TRPM3: variants seen among roughly 807,000 people sequenced by gnomAD.
The protein encoded by TRPM3 is transient receptor potential cation channel subfamily M member 3, also known as long transient receptor potential channel 3.
A neutral mutation model predicts 181.2 loss-of-function variants in TRPM3; 77 were observed. The observed-to-expected ratio is 0.42, with a 90% CI of 0.35 to 0.51. TRPM3 has a LOEUF of 0.51. Ranked by LOEUF, TRPM3 falls within the 20% of genes least tolerant of loss-of-function variation. TRPM3 has a pLI of 0.01. For missense variants in TRPM3, 1,759 were observed against 2,196.7 expected (o/e 0.80, Z 3.98); for synonymous variants, 745 against 796.4 (o/e 0.94, Z 1.09).
At chr9:71,401,401 G>C (rs1379807528) in intron 1 of TRPM3, among the ~76,000 whole-genome samples, 1 of 152,086 alleles carries the variant, frequency 6.6e-6, no homozygotes, top group Non-Finnish European at 1.5e-5. Flanking sequence ...GCAGACTATT[G>C]GAGGAGGGCA....
At chr9:71,196,125 T>C (rs937180498) in intron 1 of TRPM3, among the ~76,000 whole-genome samples, 14 of 151,334 alleles carry the variant, frequency 9.3e-5, no homozygotes, top group African/African-American at 4.9e-5. Context: ...CAAAAGTTAA[T>C]ATTTTATGTA....
chr9:70,753,612 A>G (rs1433914115), intron 8 of TRPM3, among the ~76,000 whole-genome samples: 1 of 152,194 alleles, frequency 6.6e-6, no homozygotes, highest in Non-Finnish European at 1.5e-5. Flanking sequence ...CACAAGGTAA[A>G]GAAAACTATT....
chr9:70,536,688 G>C lies in TRPM3; in HGVS notation c.4425C>G (p.Asp1475Glu). The C allele has an allele frequency of 1.2e-6, 2 of 1,614,150 alleles. No homozygotes were observed. Among genetic ancestry groups the C allele is most frequent in the Non-Finnish European group, 1.7e-6 (2 of 1,180,036 alleles). Reference protein sequence around the residue: ...RPPSRSIDFEDITSMDTRSFS... With the variant: ...RPPSRSIDFEEITSMDTRSFS... The stretch of plus-strand genomic sequence containing the variant: ...AAGATCTAGTGTCCATGGAGGTGAT[G>C]TCCTCAAAATCAATGCTCCGGCTTG... Residue 1475 changes from aspartate (D) to glutamate (E), a missense_variant, in exon 26 of 26, where the codon GAC becomes GAG. Asp to Glu is a conservative substitution (Grantham distance 45, BLOSUM62 2). Around this residue, in one of 8 missense-constraint regions of TRPM3, gnomAD observed 612 missense variants for 590.0 expected, o/e 1.04. Transcript: ENST00000677713.
chr9:71,127,153 G>T (rs1038676856), intron 1 of TRPM3, among the ~76,000 whole-genome samples: 1 of 151,982 alleles, frequency 6.6e-6, no homozygotes, highest in Non-Finnish European at 1.5e-5. Flanking sequence ...TAATCCTCTG[G>T]AATCTCTTGA....
chr9:71,087,318 T>C (rs918087684), intron 1 of TRPM3, among the ~76,000 whole-genome samples: 5 of 152,090 alleles, frequency 3.3e-5, no homozygotes, highest in African/African-American at 7.2e-5. Flanking sequence ...ACTGTGCTTA[T>C]ACAGGAAAGT....
rs1382170440 is a variant in TRPM3 at position 70,778,270 on chromosome 9, G to T, written c.1148+5835C>A. 1.3e-5 allele frequency among the ~76,000 whole-genome samples: 2 copies of T among 152,032 alleles called. 1 individual carries two copies. The highest frequency in any genetic ancestry group is 3.9e-4 in the East Asian group (2 of 5,194). On this transcript the variant is annotated intron_variant, in intron 7 of 25. Coordinates refer to ENST00000677713, the MANE Select transcript of TRPM3 (RefSeq NM_001366145.2). ...TTGATAGGATTCTCGTGAAGAATGC[G>T]CCACGCATTTATTTTACCCTCTGTG...
At chr9:70,778,963 C>G (rs1355228699) in intron 7 of TRPM3, among the ~76,000 whole-genome samples, 1 of 152,088 alleles carries the variant, frequency 6.6e-6, no homozygotes, top group African/African-American at 2.4e-5. Context: ...CAGAGAAACA[C>G]GCTTTTGCCA....
chr9:70,546,245 C>T (rs1221083054), intron 25 of TRPM3, among the ~76,000 whole-genome samples: 2 of 152,142 alleles, frequency 1.3e-5, no homozygotes, highest in Admixed American at 6.5e-5. Flanking sequence ...AAGTATGGTT[C>T]CCAGACAAGC....
At chr9:70,601,438 A>T (rs951484685) in intron 20 of TRPM3, among the ~76,000 whole-genome samples, 3 of 152,120 alleles carry the variant, frequency 2.0e-5, no homozygotes, top group African/African-American at 7.2e-5. Flanking sequence ...CTTGCGTCTG[A>T]GCCCTGGAGG....
At chr9:70,865,271 T>C (rs1229157845) in intron 1 of TRPM3, 2 of 151,976 alleles carry the variant, frequency 1.3e-5, no homozygotes, top group African/African-American at 4.8e-5. Flanking sequence ...ACAAAGGATG[T>C]CTCGGAAAAC....
rs150679150 is a variant in TRPM3, at chr9:71,199,420, A to G, written c.183+247233T>C. Among the ~76,000 whole-genome samples, 762 of 152,210 alleles carry G rather than the reference A, an allele frequency of 5.0e-3. 6 individuals are homozygous for G. Among genetic ancestry groups the G allele is most frequent in the African/African-American group, 0.018 (734 of 41,516 alleles). ...GTTAGGGAGGATTTCCTCTTTTTCT[A>G]TGGATTGGAATAGTTTCAGAAGGAA... is the stretch of plus-strand genomic sequence containing the variant. On this transcript the variant is annotated intron_variant, in intron 1 of 24. Transcript: ENST00000357533.
chr9:71,413,751 C>T (rs1769358440), intron 1 of TRPM3, among the ~76,000 whole-genome samples: 1 of 152,084 alleles, frequency 6.6e-6, no homozygotes, highest in South Asian at 2.1e-4. Flanking sequence ...TTCCAGAAGA[C>T]TTAGCATTCA....
At chr9:71,152,061 T>C (rs1222669502) in intron 1 of TRPM3, among the ~76,000 whole-genome samples, 1 of 152,134 alleles carries the variant, frequency 6.6e-6, no homozygotes, top group Non-Finnish European at 1.5e-5. Context: ...TTTATGATAA[T>C]GAGAGTTTTT....
At chr9:70,677,827 G>A (rs928156141) in intron 9 of TRPM3, among the ~76,000 whole-genome samples, 10 of 151,826 alleles carry the variant, frequency 6.6e-5, no homozygotes, top group African/African-American at 2.2e-4. Context: ...AAAAGGGATC[G>A]CCCCCTTTCC....
chr9:71,077,906 C>CTT (rs574083427), intron 1 of TRPM3, among the ~76,000 whole-genome samples: 45 of 130,808 alleles, frequency 3.4e-4, no homozygotes, highest in Middle Eastern at 3.9e-3. Context: ...TTGTTTTTGT[C>CTT]TTTTTTTTTT....
intron 1 of TRPM3, among the ~76,000 whole-genome samples, chr9:71,037,146 G>T (rs992886506): frequency 1.4e-4 from 22 of 152,164 alleles, no homozygotes; most frequent in Admixed American, 1.3e-3. Flanking sequence ...TCCTTTTAGG[G>T]TTATTAATTG....
At chr9:70,585,604 T>G (rs962476442) in intron 22 of TRPM3, among the ~76,000 whole-genome samples, 1 of 152,192 alleles carries the variant, frequency 6.6e-6, no homozygotes, top group African/African-American at 2.4e-5. Context: ...CCAGAAACCT[T>G]GGCGTAATCT....
Position 70,552,585 on chromosome 9 carries a change from C to A in TRPM3, c.3574+259G>T, listed in dbSNP as rs1412762733. 2.6e-5 allele frequency among the ~76,000 whole-genome samples: 4 copies of A among 152,162 alleles called. No homozygotes were observed. The East Asian group carries it at 5.8e-4, about 22-fold the overall frequency. ...AACTTATGAAGGTTCTAAAATAGCC[C>A]TGCTGGAGACTGATTGTATCTCTCT... On this transcript the variant is annotated intron_variant, in intron 24 of 25. Coordinates refer to ENST00000677713, the MANE Select transcript of TRPM3 (RefSeq NM_001366145.2).
At chr9:71,425,913 C>T (rs989090468) in intron 1 of TRPM3, among the ~76,000 whole-genome samples, 35 of 152,084 alleles carry the variant, frequency 2.3e-4, no homozygotes, top group Non-Finnish European at 8.8e-5. Context: ...AGAGAGTTTG[C>T]ACATGTTGCT....
Sources: gnomAD v4.1 joint callset for allele counts (sites outside exome capture counted in the v4.1 genomes callset) on GRCh38, gnomAD v4.1.1 for gene constraint, gnomAD v4.1.1 regional missense constraint, MANE v1.5 for transcripts, NCBI Gene and HGNC (gene_info 2026-07-23, HGNC 2026-07-21) for gene names.